The following CACNA2D3 variants were observed in gnomAD, a reference collection of about 807,000 sequenced individuals.
The protein encoded by CACNA2D3 is calcium voltage-gated channel auxiliary subunit alpha2delta 3.
A neutral mutation model predicts 160.6 loss-of-function variants in CACNA2D3; 60 were observed. The ratio of observed to expected loss-of-function variants is 0.37; its 90% confidence interval spans 0.30 to 0.46. CACNA2D3 has a LOEUF of 0.46. CACNA2D3 is among the 20% of genes least tolerant of loss of function. The probability of loss-of-function intolerance (pLI) is 1.00; values close to 1 mark genes in which losing one functional copy is unlikely to be tolerated. For synonymous variants in CACNA2D3, 558 were observed against 492.9 expected, an observed-to-expected ratio of 1.13 and a Z score of -1.75; for missense variants, 1,205 against 1,365.0, an observed-to-expected ratio of 0.88 and a Z score of 1.85.
intron 5 of CACNA2D3, among the ~76,000 whole-genome samples, chr3:54,517,260 C>A (rs1701566419): frequency 6.6e-6 from 1 of 152,214 alleles, no homozygotes; most frequent in African/African-American, 2.4e-5. Context: ...GAAGCCCAAC[C>A]CCCAGGCTGC....
At chr3:54,610,202 A>G (rs1034711475) in intron 9 of CACNA2D3, among the ~76,000 whole-genome samples, 1 of 152,192 alleles carries the variant, frequency 6.6e-6, no homozygotes, top group African/African-American at 2.4e-5. Flanking sequence ...TAATGGCCCT[A>G]TCCTAAATAA....
intron 4 of CACNA2D3, among the ~76,000 whole-genome samples, chr3:54,461,105 C>G (rs556129207): frequency 6.6e-6 from 1 of 152,102 alleles, no homozygotes; most frequent in Non-Finnish European, 1.5e-5. Context: ...TTGAACCAGC[C>G]TTGCATCCCA....
intron 27 of CACNA2D3, among the ~76,000 whole-genome samples, chr3:54,957,382 C>G (rs536945128): frequency 6.6e-6 from 1 of 152,102 alleles, no homozygotes; most frequent in Non-Finnish European, 1.5e-5. Flanking sequence ...CTCCTGGCTT[C>G]AAGCAGTCAT....
chr3:54,846,261 G>A (rs887874043), intron 16 of CACNA2D3, 132 bp from the exon 17 acceptor site: 47 of 525,482 alleles, frequency 8.9e-5, no homozygotes, highest in Admixed American at 1.8e-4. Context: ...TCATTTTAAT[G>A]AAATATTGTG....
At chr3:54,793,117 C>G (rs1702795499) in intron 13 of CACNA2D3, among the ~76,000 whole-genome samples, 1 of 152,242 alleles carries the variant, frequency 6.6e-6, no homozygotes, top group Non-Finnish European at 1.5e-5. Flanking sequence ...AGGAAAAGGA[C>G]TGGGGAGTGA....
chr3:54,476,431 G>T (rs1205301268), intron 4 of CACNA2D3, among the ~76,000 whole-genome samples: 7 of 151,992 alleles, frequency 4.6e-5, no homozygotes, highest in Non-Finnish European at 8.8e-5. Context: ...CCAGAAATGA[G>T]ATTGCTGGAT....
intron 2 of CACNA2D3, among the ~76,000 whole-genome samples, chr3:54,288,348 A>G (rs1045937839): frequency 9.2e-5 from 14 of 152,222 alleles, no homozygotes; most frequent in African/African-American, 2.9e-4. Context: ...TCCTCGACAC[A>G]TACACCCTCC....
At chr3:54,175,343 G>A (rs900342054) in intron 2 of CACNA2D3, among the ~76,000 whole-genome samples, 4 of 152,030 alleles carry the variant, frequency 2.6e-5, no homozygotes, top group East Asian at 1.9e-4. Context: ...AAGGCCGGGC[G>A]CGGTGGTTTA....
At chr3:54,200,765 C>G (rs73085988) in intron 2 of CACNA2D3, among the ~76,000 whole-genome samples, 6,774 of 152,292 alleles carry the variant, frequency 0.044, 198 homozygotes, top group South Asian at 0.098. Context: ...CATTTGATTA[C>G]TTAGGATTGA....
At chr3:54,429,843 A>G (rs151025705) in intron 4 of CACNA2D3, among the ~76,000 whole-genome samples, 1 of 152,302 alleles carries the variant, frequency 6.6e-6, no homozygotes, top group East Asian at 1.9e-4. Context: ...ATAGCCTTCT[A>G]TGGATTTCAT....
chr3:54,274,640 G>C (rs892708577), intron 2 of CACNA2D3, among the ~76,000 whole-genome samples: 1 of 152,222 alleles, frequency 6.6e-6, no homozygotes, highest in African/African-American at 2.4e-5. Context: ...TCTGGGTCAG[G>C]AGTCTGTATC....
chr3:54,266,571 A>G (rs1361850151), intron 2 of CACNA2D3, among the ~76,000 whole-genome samples: 1 of 152,156 alleles, frequency 6.6e-6, no homozygotes, highest in East Asian at 1.9e-4. Flanking sequence ...TAGGGTCTCC[A>G]TGTTCACACC....
chr3:54,454,334 C>T (rs1473691424), intron 4 of CACNA2D3, among the ~76,000 whole-genome samples: 1 of 152,072 alleles, frequency 6.6e-6, no homozygotes, highest in African/African-American at 2.4e-5. Flanking sequence ...AACGACATTT[C>T]CCTCCCTCAC....
In CACNA2D3 at chr3:54,570,046, A is replaced by G. The variant is rs1702469419; in HGVS notation, c.830A>G (p.Gln277Arg). ...MKGLRLTIAKQTVSSILDTLG... is the reference protein window; with the variant it reads ...MKGLRLTIAKRTVSSILDTLG... ...GGACTCCGTCTGACTATCGCGAAGC[A>G]AACAGTCTCATCCATTTTGGATACA... Residue 277 changes from glutamine to arginine, a missense_variant, in exon 8 of 38, where the codon CAA becomes CGA. Gln to Arg is a conservative substitution (Grantham distance 43). Coordinates refer to ENST00000474759, the MANE Select transcript of CACNA2D3 (RefSeq NM_018398.3). 1.9e-6 allele frequency: 3 copies of G among 1,613,904 alleles called. No homozygotes were observed. Among genetic ancestry groups the G allele is most frequent in the African/African-American group, 1.3e-5 (1 of 74,946 alleles).
intron 17 of CACNA2D3, among the ~76,000 whole-genome samples, chr3:54,853,652 G>C (rs1008695539): frequency 6.6e-5 from 10 of 152,184 alleles, no homozygotes; most frequent in African/African-American, 2.4e-4. Context: ...GGGTTCCCTG[G>C]TGGTAAGAGG....
At position 54,534,748 on chromosome 3, in the gene CACNA2D3, C is replaced by T. The variant is rs546532793; in HGVS notation, c.545-28052C>T. ...GAGCAGCCTGGCCAACATGACAAAA[C>T]GTTGTCTCTACAAAAAAAAAATAGA... On this transcript the variant is annotated intron_variant, in intron 5 of 37. Coordinates refer to ENST00000474759, the MANE Select transcript of CACNA2D3 (RefSeq NM_018398.3). Among the ~76,000 whole-genome samples, 24 of 142,484 alleles carry T rather than the reference C, an allele frequency of 1.7e-4. No homozygotes were observed. The East Asian group carries it at 1.8e-3, about 11-fold the overall frequency. The allele number at this position is 142,484 out of a possible 152,430, so 93.5% of individuals were successfully genotyped here. A position where few individuals can be genotyped will look rare whatever the true frequency, so the allele number is the denominator to read the frequency against.
intron 17 of CACNA2D3, among the ~76,000 whole-genome samples, chr3:54,852,421 CTGT>C (rs1699079141): frequency 2.0e-5 from 3 of 152,240 alleles, no homozygotes; most frequent in African/African-American, 7.2e-5. Context: ...AAAGCCATTT[CTGT>C]TGTTCTGGAA....
chr3:54,485,067 G>A (rs1048595517), intron 4 of CACNA2D3, among the ~76,000 whole-genome samples: 9 of 151,990 alleles, frequency 5.9e-5, no homozygotes, highest in South Asian at 2.1e-4. Context: ...GGCTGGTCTC[G>A]ATCTCCTGAC....
At chr3:54,721,647 A>G (rs1313653877) in intron 11 of CACNA2D3, among the ~76,000 whole-genome samples, 2 of 151,694 alleles carry the variant, frequency 1.3e-5, no homozygotes, top group African/African-American at 4.8e-5. Flanking sequence ...TGTAATCCCA[A>G]CTACTTGGGA....
Sources: gnomAD v4.1 joint callset for allele counts (sites outside exome capture counted in the v4.1 genomes callset) on GRCh38, gnomAD v4.1.1 for gene constraint, MANE v1.5 for transcripts, NCBI Gene and HGNC (gene_info 2026-07-23, HGNC 2026-07-21) for gene names.